Variants in ALPK2 observed in about 807,000 individuals in gnomAD.
ALPK2 encodes alpha-protein kinase 2.
Under a neutral mutation model 163.1 loss-of-function variants are expected in ALPK2, and 127 were observed. That is an observed-to-expected ratio of 0.78 (90% CI 0.67 to 0.90). ALPK2 has a LOEUF of 0.90. Ranked by LOEUF, ALPK2 falls within the 40% of genes least tolerant of loss-of-function variation. The pLI, the probability that ALPK2 is intolerant of heterozygous loss-of-function variation, is 0.00. For synonymous variants in ALPK2, 953 were observed against 959.1 expected (o/e 0.99, Z 0.12); for missense variants, 2,360 against 2,589.6 (o/e 0.91, Z 1.92).
chr18:58,510,783 G>A (rs1425967660), intron 10 of ALPK2, among the ~76,000 whole-genome samples: 3 of 152,176 alleles, frequency 2.0e-5, no homozygotes, highest in Admixed American at 6.5e-5. Context: ...AGGAGATTTT[G>A]GGCTGAGATG....
intron 12 of ALPK2, among the ~76,000 whole-genome samples, chr18:58,484,056 C>T (rs1273801430): frequency 6.6e-6 from 1 of 152,138 alleles, no homozygotes; most frequent in East Asian, 1.9e-4. Context: ...AGAGGTCACT[C>T]TTTGCTCACC....
At chr18:58,568,240 G>A (rs547213884) in intron 4 of ALPK2, among the ~76,000 whole-genome samples, 3 of 152,286 alleles carry the variant, frequency 2.0e-5, no homozygotes, top group Admixed American at 6.5e-5. Flanking sequence ...GGACAGGAAC[G>A]CCTTATGTGT....
intron 4 of ALPK2, among the ~76,000 whole-genome samples, chr18:58,540,220 G>C (rs1425948104): frequency 1.3e-5 from 2 of 152,206 alleles, no homozygotes; most frequent in Non-Finnish European, 2.9e-5. Flanking sequence ...CCATGTACCA[G>C]TTGAGACAGC....
chr18:58,551,548 G>A (rs1270344496), intron 4 of ALPK2, among the ~76,000 whole-genome samples: 2 of 152,150 alleles, frequency 1.3e-5, no homozygotes, highest in African/African-American at 4.8e-5. Flanking sequence ...CAGGGAACAC[G>A]ATTCAACCCA....
chr18:58,560,480 G>T (rs529595813), intron 4 of ALPK2, among the ~76,000 whole-genome samples: 2 of 152,180 alleles, frequency 1.3e-5, no homozygotes, highest in South Asian at 2.1e-4. Context: ...GACCTTCAAA[G>T]CCAGCACAGT....
chr18:58,616,904 G>A (rs775284643), intron 1 of ALPK2, among the ~76,000 whole-genome samples: 4 of 152,076 alleles, frequency 2.6e-5, no homozygotes, highest in Non-Finnish European at 5.9e-5. Flanking sequence ...TGTTCCGGGG[G>A]CTTGGGGGGT....
intron 1 of ALPK2, among the ~76,000 whole-genome samples, chr18:58,625,926 A>G (rs1290842949): frequency 2.6e-5 from 4 of 152,264 alleles, no homozygotes; most frequent in South Asian, 2.1e-4. Context: ...GGAAATCCCA[A>G]TAAGGGCTTG....
At chr18:58,511,133 A>G (rs369674645) in intron 10 of ALPK2, among the ~76,000 whole-genome samples, 11 of 152,232 alleles carry the variant, frequency 7.2e-5, no homozygotes, top group African/African-American at 2.6e-4. Context: ...TTCTGCATCT[A>G]TTGAGATAAT....
chr18:58,504,451 C>T (rs1282794458), intron 10 of ALPK2, among the ~76,000 whole-genome samples: 1 of 152,162 alleles, frequency 6.6e-6, no homozygotes, highest in African/African-American at 2.4e-5. Flanking sequence ...TCCATTCATC[C>T]ATTCATCTAC....
intron 3 of ALPK2, among the ~76,000 whole-genome samples, chr18:58,592,609 G>C (rs1271360334): frequency 1.3e-5 from 2 of 152,204 alleles, no homozygotes; most frequent in Admixed American, 1.3e-4. Flanking sequence ...CAGTGGGTGG[G>C]GAGGAGCTCC....
chr18:58,562,937 C>T (rs1416413734), intron 4 of ALPK2, among the ~76,000 whole-genome samples: 1 of 152,092 alleles, frequency 6.6e-6, no homozygotes, highest in Admixed American at 6.5e-5. Flanking sequence ...CATCTAAACC[C>T]GATTACTTCC....
At chr18:58,491,411 A>C (rs2051374254) in intron 12 of ALPK2, among the ~76,000 whole-genome samples, 1 of 152,212 alleles carries the variant, frequency 6.6e-6, no homozygotes, top group Non-Finnish European at 1.5e-5. Context: ...ACAAGGTTCT[A>C]AACTTCCCCA....
intron 2 of ALPK2, among the ~76,000 whole-genome samples, chr18:58,611,333 G>GA (rs1439901666): frequency 2.0e-5 from 3 of 150,022 alleles, no homozygotes; most frequent in East Asian, 3.9e-4. Flanking sequence ...TCAATTTACC[G>GA]AAAAAAAGTG....
chr18:58,618,877 G>C (rs1425991722), intron 1 of ALPK2, among the ~76,000 whole-genome samples: 1 of 152,144 alleles, frequency 6.6e-6, no homozygotes, highest in Non-Finnish European at 1.5e-5. Flanking sequence ...CAGCTGAAAG[G>C]ATCAGGGAAG....
chr18:58,605,936 A>G (rs1430869768), intron 3 of ALPK2, among the ~76,000 whole-genome samples: 1 of 152,252 alleles, frequency 6.6e-6, no homozygotes, highest in Non-Finnish European at 1.5e-5. Context: ...AATGCTTGGC[A>G]TATGTAGGTG....
chr18:58,512,826 G>GGTGT (rs200994285), intron 10 of ALPK2, among the ~76,000 whole-genome samples: 1 of 140,168 alleles, frequency 7.1e-6, no homozygotes, highest in Non-Finnish European at 1.5e-5. Context: ...GCATGTATGA[G>GGTGT]GTGTGTGTGT....
At chr18:58,617,675 T>A (rs1284247814) in intron 1 of ALPK2, among the ~76,000 whole-genome samples, 1 of 152,218 alleles carries the variant, frequency 6.6e-6, no homozygotes, top group African/African-American at 2.4e-5. Context: ...ACACATATAA[T>A]CATCTAAATA....
At chr18:58,515,871 G>A (rs2051518674) in intron 9 of ALPK2, among the ~76,000 whole-genome samples, 1 of 152,156 alleles carries the variant, frequency 6.6e-6, no homozygotes, top group Admixed American at 6.6e-5. Context: ...GCACAGAGCT[G>A]GTGAAAGACC....
Position 58,523,925 on chromosome 18 carries a change from T to TG in ALPK2, c.5629+9dup. 1 of 1,606,494 alleles carries TG rather than the reference T, an allele frequency of 6.2e-7. No individual in the cohort carries two copies. The highest frequency in any genetic ancestry group is 8.5e-7 in the Non-Finnish European group (1 of 1,179,896). ...GGGCCAGTGGTTTTTCATTGAAAAC[T>TG]GTGGTTTACCTTCAGCTGTGAGGTT... is the stretch of plus-strand genomic sequence containing the variant. On this transcript the variant is annotated intron_variant, in intron 7 of 12. Coordinates refer to ENST00000361673, the MANE Select transcript of ALPK2 (RefSeq NM_052947.4).
Sources: gnomAD v4.1 joint callset for allele counts (sites outside exome capture counted in the v4.1 genomes callset) on GRCh38, gnomAD v4.1.1 for gene constraint, MANE v1.5 for transcripts, NCBI Gene and HGNC (gene_info 2026-07-23, HGNC 2026-07-21) for gene names.